Variants in UNC13C observed in about 807,000 individuals in gnomAD.
The protein encoded by UNC13C is unc-13 homolog C.
Under a neutral mutation model 245.4 loss-of-function variants are expected in UNC13C, and 174 were observed. The observed-to-expected ratio is 0.71, with a 90% confidence interval of 0.63 to 0.80. The LOEUF (loss-of-function observed/expected upper bound fraction) is 0.80, where lower values mean the gene tolerates loss of function less well. Ranked by LOEUF, UNC13C falls within the 30% of genes least tolerant of loss-of-function variation. UNC13C has a pLI of 0.00. For synonymous variants in UNC13C, 992 were observed against 895.1 expected (o/e 1.11, Z -1.93); for missense variants, 2,829 against 2,602.9 (o/e 1.09, Z -1.89).
chr15:54,152,115 A>G (rs1315681001), intron 4 of UNC13C, among the ~76,000 whole-genome samples: 4 of 152,164 alleles, frequency 2.6e-5, no homozygotes, highest in Non-Finnish European at 5.9e-5. Context: ...TTAGAAAACT[A>G]AGGCCATCAA....
At chr15:54,388,986 G>T (rs568702666) in intron 17 of UNC13C, among the ~76,000 whole-genome samples, 20 of 152,124 alleles carry the variant, frequency 1.3e-4, no homozygotes, top group Non-Finnish European at 2.8e-4. Context: ...TAAGTAAACT[G>T]CCAAGTCATT....
chr15:53,963,050 A>T, the UNC13C span, among the ~76,000 whole-genome samples: 1 of 152,172 alleles, frequency 6.6e-6, no homozygotes, highest in African/African-American at 2.4e-5. Flanking sequence ...CAGGAAGCTG[A>T]TTCTGCTGTC....
At chr15:54,152,268 T>C (rs1265335550) in intron 4 of UNC13C, among the ~76,000 whole-genome samples, 1 of 152,174 alleles carries the variant, frequency 6.6e-6, no homozygotes, top group East Asian at 1.9e-4. Flanking sequence ...GCCAACTTAA[T>C]ATGGCAGCTA....
At chr15:53,867,201 T>C in the UNC13C span, among the ~76,000 whole-genome samples, 1 of 152,180 alleles carries the variant, frequency 6.6e-6, no homozygotes, top group Admixed American at 6.5e-5. Flanking sequence ...CTCATTACTG[T>C]TATAAAATAT....
At chr15:53,932,542 G>A in the UNC13C span, among the ~76,000 whole-genome samples, 1 of 152,084 alleles carries the variant, frequency 6.6e-6, no homozygotes, top group Non-Finnish European at 1.5e-5. Context: ...TTTTACCCAA[G>A]GCAATTAGAC....
intron 17 of UNC13C, among the ~76,000 whole-genome samples, chr15:54,341,592 A>G (rs1053653957): frequency 6.9e-6 from 1 of 145,872 alleles, no homozygotes; most frequent in Non-Finnish European, 1.5e-5. Flanking sequence ...AATTATTTTT[A>G]AAAATTTCAG....
chr15:53,864,779 G>A, the UNC13C span, among the ~76,000 whole-genome samples: 55 of 152,250 alleles, frequency 3.6e-4, no homozygotes, highest in African/African-American at 1.3e-3. Flanking sequence ...GGATAAAATG[G>A]CATTGGAGAC....
intron 17 of UNC13C, among the ~76,000 whole-genome samples, chr15:54,390,407 C>G (rs1434048927): frequency 6.6e-6 from 1 of 152,070 alleles, no homozygotes; most frequent in Admixed American, 6.5e-5. Flanking sequence ...TCAGATAATC[C>G]TATAACCTGG....
chr15:54,586,314 A>G (rs1898489665), intron 30 of UNC13C, among the ~76,000 whole-genome samples: 1 of 152,210 alleles, frequency 6.6e-6, no homozygotes, highest in Non-Finnish European at 1.5e-5. Context: ...TAACTTAAAC[A>G]AGAGATATTT....
chr15:54,576,354 A>G (rs1052411339), intron 30 of UNC13C, among the ~76,000 whole-genome samples: 1 of 152,178 alleles, frequency 6.6e-6, no homozygotes, highest in Non-Finnish European at 1.5e-5. Context: ...CTAGCTTTAA[A>G]TAATTGGGTG....
intron 26 of UNC13C, among the ~76,000 whole-genome samples, chr15:54,533,542 T>C (rs1013340253): frequency 5.3e-5 from 8 of 152,210 alleles, no homozygotes; most frequent in Admixed American, 4.6e-4. Context: ...TAACGATTTA[T>C]TGAGTGCTCA....
At chr15:54,259,195 A>G (rs192566704) in intron 8 of UNC13C, among the ~76,000 whole-genome samples, 3 of 152,358 alleles carry the variant, frequency 2.0e-5, no homozygotes, top group African/African-American at 2.4e-5. Flanking sequence ...TTAGGTTTCA[A>G]TATATGACTT....
At chr15:54,354,165 A>T (rs11637336) in intron 17 of UNC13C, among the ~76,000 whole-genome samples, 1 of 152,040 alleles carries the variant, frequency 6.6e-6, no homozygotes, top group Non-Finnish European at 1.5e-5. Flanking sequence ...CTAAGCCTCA[A>T]TGTTTTCATT....
At chr15:54,115,543 GTAA>G (rs1326543246) in intron 2 of UNC13C, among the ~76,000 whole-genome samples, 21 of 152,010 alleles carry the variant, frequency 1.4e-4, no homozygotes, top group African/African-American at 4.6e-4. Context: ...GGGGGTACAT[GTAA>G]TAATTTGATA....
intron 2 of UNC13C, among the ~76,000 whole-genome samples, chr15:54,026,506 G>C (rs1221513984): frequency 6.6e-6 from 1 of 152,198 alleles, no homozygotes; most frequent in Non-Finnish European, 1.5e-5. Context: ...AAAGTTAGTG[G>C]TTCTCAGGTT....
chr15:54,409,882 T>C (rs1220573910), intron 18 of UNC13C, among the ~76,000 whole-genome samples: 1 of 152,192 alleles, frequency 6.6e-6, no homozygotes, highest in Non-Finnish European at 1.5e-5. Flanking sequence ...TTGTTTTGGT[T>C]ATATTCCCAA....
intron 19 of UNC13C, among the ~76,000 whole-genome samples, chr15:54,438,693 C>A (rs1432894111): frequency 2.0e-5 from 3 of 151,876 alleles, no homozygotes; most frequent in African/African-American, 7.2e-5. Context: ...CAATTAGTAC[C>A]TCTAGAGAGC....
At chr15:54,626,691 TA>T in intron 32 of UNC13C, 136 bp from the exon 33 acceptor site, 1 of 825,028 alleles carries the variant, frequency 1.2e-6, no homozygotes, top group Non-Finnish European at 1.8e-6. Flanking sequence ...TTTAAAGGGT[TA>T]AAATACACTG....
chr15:54,014,706 C>G lies in UNC13C; in HGVS notation c.1803C>G (p.Pro601=). The G allele has an allele frequency of 1.2e-6, 2 of 1,613,788 alleles. No homozygotes were observed. The highest frequency in any genetic ancestry group is 1.1e-5 in the South Asian group (1 of 91,078). The part of the protein sequence containing the change: ...QEGTATLYDS[P]KDQHLNGGVQ... ...GAACAGCGACCCTGTATGACAGTCC[C>G]AAGGACCAGCATTTGAATGGAGGTG... Residue 601 remains proline, a synonymous_variant, in exon 2 of 33, where the codon CCC becomes CCG. Transcript: ENST00000260323.
Sources: allele counts gnomAD v4.1 joint callset (sites outside exome capture counted in the v4.1 genomes callset), GRCh38; gene constraint gnomAD v4.1.1; transcripts MANE v1.5; gene names NCBI Gene and HGNC (gene_info 2026-07-23, HGNC 2026-07-21).